Variants in PFKFB4 observed in about 807,000 individuals in gnomAD.
PFKFB4 encodes 6-phosphofructo-2-kinase/fructose-2,6-bisphosphatase 4.
Under a neutral mutation model 62.8 loss-of-function variants are expected in PFKFB4, and 42 were observed. The observed-to-expected ratio is 0.67, with a 90% confidence interval of 0.52 to 0.86. The LOEUF (loss-of-function observed/expected upper bound fraction) is 0.86, where lower values mean the gene tolerates loss of function less well. Among genes scored for constraint, PFKFB4 ranks in the 40% least tolerant of loss-of-function variants. The pLI, the probability that PFKFB4 is intolerant of heterozygous loss-of-function variation, is 0.00. For missense variants in PFKFB4, 475 were observed against 627.2 expected, an observed-to-expected ratio of 0.76 and a Z score of 2.59; for synonymous variants, 204 against 240.7, an observed-to-expected ratio of 0.85 and a Z score of 1.41.
chr3:48,562,085 GCT>G (rs990423101), upstream of PFKFB4: 16 of 152,414 alleles, frequency 1.0e-4, no homozygotes, highest in African/African-American at 3.6e-4. This position sits in a 1 kb window ranked among gnomAD's most constrained non-coding sequence, Gnocchi z 4.3. Flanking sequence ...CCCTTACCCT[GCT>G]CACACACACT....
intron 9 of PFKFB4, among the ~76,000 whole-genome samples, chr3:48,527,014 C>T (rs376185416): frequency 1.3e-5 from 2 of 151,634 alleles, no homozygotes; most frequent in African/African-American, 2.4e-5. Flanking sequence ...ATGTGATGAC[C>T]GTGGACAGAG....
At chr3:48,552,010 G>A (rs1018500660) in intron 1 of PFKFB4, among the ~76,000 whole-genome samples, 1 of 152,184 alleles carries the variant, frequency 6.6e-6, no homozygotes, top group Non-Finnish European at 1.5e-5. Context: ...CCTTCACCTG[G>A]TTGCCTAGAC....
Position 48,519,812 on chromosome 3 carries a change from C to G in PFKFB4, c.1351-6G>C, listed in dbSNP as rs776887021. 1 of 1,612,016 alleles carries G rather than the reference C, an allele frequency of 6.2e-7. No homozygotes were observed. Among genetic ancestry groups the G allele is most frequent in the Non-Finnish European group, 8.5e-7 (1 of 1,178,198 alleles). The stretch of plus-strand genomic sequence containing the variant: ...GGTCTTGAGATGTCCACGTTCTGTA[C>G]AATAAAAACACAGAGCGTTCACTCC... On this transcript the variant is annotated splice_region_variant and splice_polypyrimidine_tract_variant and intron_variant, in intron 13 of 13. Coordinates refer to ENST00000232375, the MANE Select transcript of PFKFB4 (RefSeq NM_004567.4).
At chr3:48,557,071 C>G, upstream of PFKFB4, 1 of 916,488 alleles carries the variant, frequency 1.1e-6, no homozygotes, top group Non-Finnish European at 1.5e-6. Flanking sequence ...ACTGGTCCCG[C>G]CCCAGTTCAA....
upstream of PFKFB4, chr3:48,562,946 C>G: frequency 6.2e-7 from 1 of 1,605,266 alleles, no homozygotes; most frequent in Non-Finnish European, 8.5e-7. This position sits in a 1 kb window ranked among gnomAD's most constrained non-coding sequence, Gnocchi z 4.3. Flanking sequence ...GCTGCAGTGG[C>G]TCTGGGCAGC....
At chr3:48,551,519 CTTTTTTTTTTTTTTTT>C (rs71074260) in intron 1 of PFKFB4, among the ~76,000 whole-genome samples, 184 of 29,134 alleles carry the variant, frequency 6.3e-3, no homozygotes, top group Non-Finnish European at 8.6e-3. Context: ...CTCCAGCCTT[CTTTTTTTTTTTTTTTT>C]TTTTTTTTTT....
intron 4 of PFKFB4, among the ~76,000 whole-genome samples, chr3:48,540,555 C>T (rs2042767588): frequency 1.3e-5 from 2 of 152,324 alleles, no homozygotes; most frequent in South Asian, 4.1e-4. Context: ...TCCTGAGTAG[C>T]TGGGACTACA....
chr3:48,561,643 T>C (rs2107619699), upstream of PFKFB4: 1 of 152,376 alleles, frequency 6.6e-6, no homozygotes, highest in East Asian at 1.9e-4. This position sits in a 1 kb window ranked among gnomAD's most constrained non-coding sequence, Gnocchi z 5.2. Context: ...ATCCCATCCT[T>C]CAGTCGCTTT....
chr3:48,529,400 C>T (rs922668654), intron 9 of PFKFB4, among the ~76,000 whole-genome samples: 1 of 152,086 alleles, frequency 6.6e-6, no homozygotes, highest in African/African-American at 2.4e-5. Context: ...ATCATAAAAA[C>T]TGTAATAGTT....
chr3:48,544,404 C>G (rs2042897267), intron 3 of PFKFB4, among the ~76,000 whole-genome samples: 1 of 151,628 alleles, frequency 6.6e-6, no homozygotes, highest in Non-Finnish European at 1.5e-5. Flanking sequence ...GGGAATCCCC[C>G]ACCTATGACC....
chr3:48,536,090 C>A (rs1457170746), intron 8 of PFKFB4, among the ~76,000 whole-genome samples, 166 bp downstream of exon 8: 1 of 152,236 alleles, frequency 6.6e-6, no homozygotes, highest in African/African-American at 2.4e-5. Flanking sequence ...TGCTTGATGA[C>A]CTTCCCTACA....
upstream of PFKFB4, among the ~76,000 whole-genome samples, chr3:48,557,817 G>T (rs1376075728): frequency 6.6e-6 from 1 of 152,174 alleles, no homozygotes; most frequent in African/African-American, 2.4e-5. Context: ...GATTACAGGC[G>T]TGAGCCACCG....
At chr3:48,538,652 CAG>C in intron 6 of PFKFB4, 33 bp from the exon 7 acceptor site, 2 of 1,613,750 alleles carry the variant, frequency 1.2e-6, no homozygotes, top group Non-Finnish European at 1.7e-6. Context: ...AAGGACATAT[CAG>C]GGTCAGGAGC....
chr3:48,535,753 G>A (rs2042581463), intron 8 of PFKFB4, 95 bp from the exon 9 acceptor site: 1 of 1,405,616 alleles, frequency 7.1e-7, no homozygotes, highest in Non-Finnish European at 9.9e-7. Context: ...CCCTCGCCTT[G>A]AACACTCACT....
At chr3:48,559,001 C>G (rs1203786341), upstream of PFKFB4, among the ~76,000 whole-genome samples, 1 of 152,244 alleles carries the variant, frequency 6.6e-6, no homozygotes, top group Non-Finnish European at 1.5e-5. Context: ...CCTCTGATAT[C>G]TACAGACACC....
chr3:48,560,287 C>G (rs1237794379), upstream of PFKFB4, among the ~76,000 whole-genome samples: 1 of 152,208 alleles, frequency 6.6e-6, no homozygotes, highest in Non-Finnish European at 1.5e-5. Context: ...TGCCTCCCTT[C>G]CCACATATAT....
chr3:48,531,422 G>A (rs942989440), intron 9 of PFKFB4, among the ~76,000 whole-genome samples: 6 of 150,970 alleles, frequency 4.0e-5, no homozygotes, highest in Admixed American at 3.3e-4. Context: ...ACTTGAACCC[G>A]GGAAGCAGAA....
At chr3:48,534,635 C>A (rs904998930) in intron 9 of PFKFB4, among the ~76,000 whole-genome samples, 1 of 146,818 alleles carries the variant, frequency 6.8e-6, no homozygotes, top group African/African-American at 2.5e-5. Flanking sequence ...TGCACCACAG[C>A]ACTCCAGCTT....
chr3:48,539,722 T>C lies in PFKFB4; in HGVS notation c.428A>G (p.Asn143Ser). 2 of 1,614,036 alleles carry C rather than the reference T, an allele frequency of 1.2e-6. No individual in the cohort carries two copies. The highest frequency in any genetic ancestry group is 1.7e-6 in the Non-Finnish European group (2 of 1,179,974). ...TTRERRATIF[N>S]FGEQNGYKTF... ...CTTGTAGCCATTCTGTTCTCCAAAATTAAAGATGGTCGCTCTCCGTTCTCG... is the reference window on the plus strand; with the variant it reads ...CTTGTAGCCATTCTGTTCTCCAAAACTAAAGATGGTCGCTCTCCGTTCTCG... Residue 143 changes from asparagine (N) to serine (S), a missense_variant, in exon 5 of 14, where the codon AAT becomes AGT. Asn to Ser is a conservative substitution (Grantham distance 46). Transcript: ENST00000232375.
Sources: gnomAD v4.1 joint callset for allele counts (sites outside exome capture counted in the v4.1 genomes callset) on GRCh38, gnomAD v4.1.1 for gene constraint, Gnocchi (gnomAD v3.1) non-coding constraint, MANE v1.5 for transcripts, NCBI Gene and HGNC (gene_info 2026-07-23, HGNC 2026-07-21) for gene names.